The following KATNIP variants were observed in gnomAD, a reference collection of about 807,000 sequenced individuals.
KATNIP encodes katanin-interacting protein.
A neutral mutation model predicts 174.0 loss-of-function variants in KATNIP; 126 were observed. That is an observed-to-expected ratio of 0.72 (90% CI 0.63 to 0.84). The LOEUF (loss-of-function observed/expected upper bound fraction) is 0.84. Among genes scored for constraint, KATNIP ranks in the 40% least tolerant of loss-of-function variants. The pLI, the probability that KATNIP is intolerant of heterozygous loss-of-function variation, is 0.00. For missense variants in KATNIP, 1,958 were observed against 2,109.7 expected, an observed-to-expected ratio of 0.93 and a Z score of 1.41; for synonymous variants, 810 against 835.7, an observed-to-expected ratio of 0.97 and a Z score of 0.53.
chr16:27,734,765 G>T (rs896926028), intron 14 of KATNIP, among the ~76,000 whole-genome samples: 1 of 152,172 alleles, frequency 6.6e-6, no homozygotes, highest in Non-Finnish European at 1.5e-5. Context: ...TCCTAACAGT[G>T]GCTAGGCTAG....
At chr16:27,598,335 CAG>C (rs2141917607) in intron 2 of KATNIP, among the ~76,000 whole-genome samples, 1 of 152,000 alleles carries the variant, frequency 6.6e-6, no homozygotes, top group Admixed American at 6.6e-5. Flanking sequence ...CTCTTGAAAA[CAG>C]AGCAGCACAA....
chr16:27,766,943 C>A, intron 20 of KATNIP, among the ~76,000 whole-genome samples: 1 of 152,278 alleles, frequency 6.6e-6, no homozygotes, highest in Middle Eastern at 3.4e-3. Flanking sequence ...GCTGGAGTCT[C>A]CACCTTGGCC....
chr16:27,557,373 C>G (rs1388365501), intron 1 of KATNIP, among the ~76,000 whole-genome samples: 2 of 151,810 alleles, frequency 1.3e-5, no homozygotes, highest in Non-Finnish European at 2.9e-5. Context: ...AACTCCTGAC[C>G]TTAGGTGATC....
At chr16:27,757,243 C>T (rs531867782) in intron 18 of KATNIP, among the ~76,000 whole-genome samples, 5 of 152,270 alleles carry the variant, frequency 3.3e-5, no homozygotes, top group Non-Finnish European at 1.5e-5. Context: ...CCACCGTGCC[C>T]GGCTAATTCA....
chr16:27,583,421 A>G (rs1272481678), intron 2 of KATNIP, among the ~76,000 whole-genome samples: 4 of 152,162 alleles, frequency 2.6e-5, no homozygotes, highest in Non-Finnish European at 5.9e-5. Context: ...TGTATGGAAT[A>G]TGATTAGAAG....
Position 27,637,931 on chromosome 16 carries a change from C to T in KATNIP, c.408+6769C>T, listed in dbSNP as rs911187284. Among the ~76,000 whole-genome samples, 1 of 152,180 alleles carries T rather than the reference C, an allele frequency of 6.6e-6. No individual in the cohort carries two copies. Among genetic ancestry groups the T allele is most frequent in the Admixed American group, 6.5e-5 (1 of 15,280 alleles). ...GCCTTTGAAGCAGGGCTACGTCTCT[C>T]TCCACCAACCTTCCCCAGCCCCCGT... is the stretch of plus-strand genomic sequence containing the variant. On this transcript the variant is annotated intron_variant, in intron 5 of 27. Coordinates refer to ENST00000261588, the MANE Select transcript of KATNIP (RefSeq NM_015202.5). The surrounding 1 kb of genome is among the most constrained non-coding windows in gnomAD (Gnocchi z 4.7).
intron 5 of KATNIP, among the ~76,000 whole-genome samples, chr16:27,642,687 G>A (rs981430698): frequency 2.0e-5 from 3 of 152,114 alleles, no homozygotes; most frequent in African/African-American, 7.2e-5. Flanking sequence ...AGGGCAACAT[G>A]GGACACCAGG....
At chr16:27,728,541 C>T (rs2080538694) in intron 14 of KATNIP, among the ~76,000 whole-genome samples, 1 of 152,206 alleles carries the variant, frequency 6.6e-6, no homozygotes, top group Non-Finnish European at 1.5e-5. Context: ...AGCAGTTCTC[C>T]TGCCTCAACC....
chr16:27,637,838 C>G lies in KATNIP; in HGVS notation c.408+6676C>G, dbSNP rs1197086849. ...AACAGTAGAGCGCCACGTTTGGGTTCATATTTTGGGTTCATGTGTGCAGAA... is the reference window on the plus strand; with the variant it reads ...AACAGTAGAGCGCCACGTTTGGGTTGATATTTTGGGTTCATGTGTGCAGAA... On this transcript the variant is annotated intron_variant, in intron 5 of 27. Coordinates refer to ENST00000261588, the MANE Select transcript of KATNIP (RefSeq NM_015202.5). This position sits in a 1 kb window ranked among gnomAD's most constrained non-coding sequence, Gnocchi z 4.7. 1.3e-5 allele frequency among the ~76,000 whole-genome samples: 2 copies of G among 152,134 alleles called. No individual in the cohort carries two copies. The highest frequency in any genetic ancestry group is 2.9e-5 in the Non-Finnish European group (2 of 68,032).
At chr16:27,606,092 T>G (rs770060495) in intron 2 of KATNIP, among the ~76,000 whole-genome samples, 17 of 152,008 alleles carry the variant, frequency 1.1e-4, no homozygotes, top group Non-Finnish European at 2.1e-4. Context: ...ATCGTGCCAC[T>G]GCACTCCAGC....
chr16:27,618,348 G>T, intron 2 of KATNIP, 77 bp from the exon 3 acceptor site: 1 of 1,145,652 alleles, frequency 8.7e-7, no homozygotes, highest in South Asian at 1.2e-5. Context: ...CTGCTGCGCC[G>T]GTGTGTGCTG....
At chr16:27,740,017 C>T in intron 14 of KATNIP, 24 bp from the exon 15 acceptor site, 1 of 1,588,460 alleles carries the variant, frequency 6.3e-7, no homozygotes, top group Non-Finnish European at 8.6e-7. Flanking sequence ...TGCATCTTCA[C>T]TTTGTTAAAT....
At chr16:27,666,503 T>G (rs1284473296) in intron 6 of KATNIP, among the ~76,000 whole-genome samples, 1 of 152,118 alleles carries the variant, frequency 6.6e-6, no homozygotes, top group African/African-American at 2.4e-5. Flanking sequence ...CTACAACTTC[T>G]GCCTCCCGGG....
In KATNIP at chr16:27,698,477, G is replaced by A. The variant is rs138531896; in HGVS notation, c.1090G>A (p.Glu364Lys). 35 of 1,610,780 alleles carry A rather than the reference G, an allele frequency of 2.2e-5. No individual in the cohort carries two copies. Among genetic ancestry groups the A allele is most frequent in the Middle Eastern group, 1.8e-4 (1 of 5,574 alleles). Reference protein sequence around the residue: ...LQRALLSRKAEQPASPLQDAE... With the variant: ...LQRALLSRKAKQPASPLQDAE... ...GAGGGCGCTCCTCAGCAGAAAGGCC[G>A]AGCAGCCAGCCAGCCCACTGCAGGT... Residue 364 changes from glutamate to lysine, a missense_variant, in exon 9 of 28, where the codon GAG becomes AAG. Glu to Lys is a moderately conservative substitution (Grantham distance 56, BLOSUM62 1). This residue lies in a region of KATNIP where 1,557 missense variants were observed against 1,617.8 expected (regional missense o/e 0.96). Coordinates refer to ENST00000261588, the MANE Select transcript of KATNIP (RefSeq NM_015202.5).
rs145485810 is a variant in KATNIP, at chr16:27,563,718, A to G, written c.8-10183A>G. Among the ~76,000 whole-genome samples, 48 of 152,004 alleles carry G rather than the reference A, an allele frequency of 3.2e-4. 1 individual carries two copies. Among genetic ancestry groups the G allele is most frequent in the African/African-American group, 8.7e-4 (36 of 41,456 alleles). ...TTATATGGCTGCCATAGGAAAATCCAGGCAAGAGTGGAGGCAGGGATACCT... is the reference window on the plus strand; with the variant it reads ...TTATATGGCTGCCATAGGAAAATCCGGGCAAGAGTGGAGGCAGGGATACCT... On this transcript the variant is annotated intron_variant, in intron 1 of 27. Coordinates refer to ENST00000261588, the MANE Select transcript of KATNIP (RefSeq NM_015202.5).
intron 1 of KATNIP, among the ~76,000 whole-genome samples, chr16:27,567,868 G>A (rs1000744014): frequency 5.9e-5 from 9 of 152,176 alleles, no homozygotes; most frequent in African/African-American, 2.2e-4. Context: ...GGAGGCTAAG[G>A]TGGGAGGATC....
intron 3 of KATNIP, among the ~76,000 whole-genome samples, chr16:27,627,508 A>G (rs1489262516): frequency 6.6e-6 from 1 of 152,218 alleles, no homozygotes; most frequent in East Asian, 1.9e-4. Flanking sequence ...TTCTGTGTTG[A>G]TTGGTTCATG....
At chr16:27,686,099 C>T (rs2078513779) in intron 8 of KATNIP, among the ~76,000 whole-genome samples, 1 of 152,146 alleles carries the variant, frequency 6.6e-6, no homozygotes, top group Non-Finnish European at 1.5e-5. Flanking sequence ...TGTTTTTAGA[C>T]ACTGGCATCA....
rs544654938 is a variant in KATNIP, at chr16:27,709,321, T to TA, written c.1605+417dup. 3.0e-3 allele frequency among the ~76,000 whole-genome samples: 363 copies of TA among 120,240 alleles called. 2 individuals are homozygous for TA. The highest frequency in any genetic ancestry group is 3.8e-3 in the African/African-American group (122 of 32,132). The allele number at this position is 120,240 out of a possible 152,430, so 78.9% of individuals were successfully genotyped here. On this transcript the variant is annotated intron_variant, in intron 13 of 27. Transcript: ENST00000261588. ...GAGCAACAGAGTAAGACCCTGTCTC[T>TA]AAAAAAAAAAAAAAAATAGGCCGGG... is the stretch of plus-strand genomic sequence containing the variant.
Sources: gnomAD v4.1 joint callset for allele counts (sites outside exome capture counted in the v4.1 genomes callset) on GRCh38, gnomAD v4.1.1 for gene constraint, gnomAD v4.1.1 regional missense constraint, Gnocchi (gnomAD v3.1) non-coding constraint, MANE v1.5 for transcripts, NCBI Gene and HGNC (gene_info 2026-07-23, HGNC 2026-07-21) for gene names.